Variants in FNDC9 observed in about 807,000 individuals in gnomAD.
The protein encoded by FNDC9 is fibronectin type III domain containing 9, also known as fibronectin type III domain-containing protein 9.
In FNDC9, 3 loss-of-function variants were observed where a neutral mutation model predicts 9.0. The observed-to-expected ratio is 0.33, with a 90% confidence interval of 0.15 to 0.86. The LOEUF is 0.86. Among genes scored for constraint, FNDC9 ranks in the 40% least tolerant of loss-of-function variants. The pLI is 0.53. For synonymous variants in FNDC9, 114 were observed against 115.6 expected, an observed-to-expected ratio of 0.99 and a Z score of 0.09; for missense variants, 279 against 287.2, an observed-to-expected ratio of 0.97 and a Z score of 0.21.
chr5:157,344,766 A>G (rs1461555310), intron 1 of FNDC9, among the ~76,000 whole-genome samples: 1 of 152,174 alleles, frequency 6.6e-6, no homozygotes, highest in Non-Finnish European at 1.5e-5. Context: ...TTGCAGTGAC[A>G]TAGTAAACAG....
At position 157,342,563 on chromosome 5, in the gene FNDC9, T is replaced by G; in HGVS notation, c.*299A>C. On this transcript the variant is annotated 3_prime_UTR_variant, in exon 2 of 2. Coordinates refer to ENST00000312349, the MANE Select transcript of FNDC9 (RefSeq NM_001001343.4). ...TTTATTTGTCATGCAAATTTTTGCT[T>G]TCTACTTTATAACATATCCATGTTT... 1.1e-5 allele frequency: 3 copies of G among 276,660 alleles called. No individual in the cohort carries two copies. Among genetic ancestry groups the G allele is most frequent in the East Asian group, 6.2e-5 (1 of 16,200 alleles). The allele number at this position is 276,660 out of a possible 1,614,324, so 17.1% of individuals were successfully genotyped here. A position where few individuals can be genotyped will look rare whatever the true frequency, so the allele number is the denominator to read the frequency against.
intron 1 of FNDC9, among the ~76,000 whole-genome samples, chr5:157,343,771 G>A (rs565921442): frequency 5.6e-4 from 86 of 152,224 alleles, no homozygotes; most frequent in African/African-American, 2.0e-3. Flanking sequence ...CCTAAGAACA[G>A]ATGCACCCAT....
chr5:157,344,223 A>G (rs1231634234), intron 1 of FNDC9, among the ~76,000 whole-genome samples: 1 of 152,114 alleles, frequency 6.6e-6, no homozygotes, highest in Admixed American at 6.5e-5. Context: ...CATAACTACC[A>G]CTATTTAATT....
In FNDC9 at chr5:157,342,553, A is replaced by C; in HGVS notation, c.*309T>G. 3.9e-6 allele frequency: 1 copy of C among 257,116 alleles called. No individual in the cohort carries two copies. Among genetic ancestry groups the C allele is most frequent in the Non-Finnish European group, 7.4e-6 (1 of 135,018 alleles). The allele number at this position is 257,116 out of a possible 1,614,324, so 15.9% of individuals were successfully genotyped here. ...AGTGCTGTGTTTTATTTGTCATGCA[A>C]ATTTTTGCTTTCTACTTTATAACAT... is the stretch of plus-strand genomic sequence containing the variant. On this transcript the variant is annotated 3_prime_UTR_variant, in exon 2 of 2. Transcript: ENST00000312349.
chr5:157,344,121 C>T (rs1762505809), intron 1 of FNDC9, among the ~76,000 whole-genome samples: 2 of 152,164 alleles, frequency 1.3e-5, no homozygotes. Flanking sequence ...CACCCCAAAG[C>T]TTCTGCTCTT....
At chr5:157,344,465 G>C (rs776476974) in intron 1 of FNDC9, among the ~76,000 whole-genome samples, 1 of 152,172 alleles carries the variant, frequency 6.6e-6, no homozygotes. Flanking sequence ...CAAGGCTGCC[G>C]GGTTTAGTTA....
chr5:157,343,255 G>A lies in FNDC9; in HGVS notation c.282C>T (p.Thr94=), dbSNP rs746993248. ...CAGGAGCCAGCGGACTCTTATCCAG[G>A]GTGTGGAACATGGTGCAGTAGTGCC... ...PYRHYCTMFH[T]LDKSPLAPGS... The change falls in exon 2 of 2, where the codon ACC becomes ACT. Residue 94 remains threonine, a synonymous_variant. Coordinates refer to ENST00000312349, the MANE Select transcript of FNDC9 (RefSeq NM_001001343.4). 20 of 1,614,086 alleles carry A rather than the reference G, an allele frequency of 1.2e-5. No homozygotes were observed. The highest frequency in any genetic ancestry group is 1.7e-5 in the Non-Finnish European group (20 of 1,180,032).
rs776472166 is a variant in FNDC9 at position 157,342,899 on chromosome 5, C to T, written c.638G>A (p.Gly213Asp). 3 of 1,613,884 alleles carry T rather than the reference C, an allele frequency of 1.9e-6. No homozygotes were observed. The highest frequency in any genetic ancestry group is 2.2e-5 in the South Asian group (2 of 91,034). The change falls in exon 2 of 2, where the codon GGT becomes GAT. Residue 213 changes from glycine to aspartate, a missense_variant. Transcript: ENST00000312349. ...ATGAGGCAGTATAGCGGGTGGGTCACCACCCCCCCTCTGTAAGGCACCCGC... is the reference window on the plus strand; with the variant it reads ...ATGAGGCAGTATAGCGGGTGGGTCATCACCCCCCCTCTGTAAGGCACCCGC... ...PDAGALQRGG[G>D]DPPAILPHCG...
At chr5:157,344,118 A>T (rs1231596824) in intron 1 of FNDC9, among the ~76,000 whole-genome samples, 1 of 151,976 alleles carries the variant, frequency 6.6e-6, no homozygotes, top group Non-Finnish European at 1.5e-5. Flanking sequence ...TCTCACCCCA[A>T]AGCTTCTGCT....
chr5:157,344,916 G>T (rs529960980), intron 1 of FNDC9, among the ~76,000 whole-genome samples: 2 of 152,334 alleles, frequency 1.3e-5, no homozygotes, highest in East Asian at 3.9e-4. Flanking sequence ...GCAGAAAGGT[G>T]CACAGCATTG....
At chr5:157,345,370 A>G (rs1762602158) in intron 1 of FNDC9, 171 bp downstream of exon 1, 1 of 152,642 alleles carries the variant, frequency 6.6e-6, no homozygotes, top group Non-Finnish European at 1.5e-5. Flanking sequence ...AGACGCAAAT[A>G]GCATCCTCAC....
Position 157,345,660 on chromosome 5 carries a change from CTG to C in FNDC9, c.-129_-128del, listed in dbSNP as rs1762628577. The C allele has an allele frequency of 6.5e-6, 1 of 152,696 alleles. No homozygotes were observed. Among genetic ancestry groups the C allele is most frequent in the Admixed American group, 6.5e-5 (1 of 15,280 alleles). 9.5% of individuals were successfully genotyped at this position (152,696 alleles called of 1,614,324 possible). A position where few individuals can be genotyped will look rare whatever the true frequency, so the allele number is the denominator to read the frequency against. ...GCTTTCCGTGTTGTTTCTCTCAACA[CTG>C]AGTAATCCCACTGCCGCCCCTAATG... On this transcript the variant is annotated 5_prime_UTR_variant, in exon 1 of 2. Transcript: ENST00000312349.
In FNDC9 at chr5:157,342,812, C is replaced by G. The variant is rs1181005981; in HGVS notation, c.*50G>C. Reference sequence around the variant, plus strand: ...TAGACACATTTGTACAAACGACCTACTGTGTGGAAAGCTTTAGGCTACATG... The same window carrying G: ...TAGACACATTTGTACAAACGACCTAGTGTGTGGAAAGCTTTAGGCTACATG... On this transcript the variant is annotated 3_prime_UTR_variant, in exon 2 of 2. Transcript: ENST00000312349. 2 of 1,531,240 alleles carry G rather than the reference C, an allele frequency of 1.3e-6. No homozygotes were observed. The highest frequency in any genetic ancestry group is 4.5e-5 in the East Asian group (2 of 44,086). The allele number at this position is 1,531,240 out of a possible 1,614,324, so 94.9% of individuals were successfully genotyped here.
chr5:157,343,564 A>T, intron 1 of FNDC9, 21 bp from the exon 2 acceptor site: 1 of 1,514,418 alleles, frequency 6.6e-7, no homozygotes. Flanking sequence ...AATCAAAGTG[A>T]AGAGTGACAT....
chr5:157,342,781 A>C lies in FNDC9; in HGVS notation c.*81T>G. The stretch of plus-strand genomic sequence containing the variant: ...GACGTTTGATGGGAGAGAAATGGGT[A>C]GTCTATAGACACATTTGTACAAACG... On this transcript the variant is annotated 3_prime_UTR_variant, in exon 2 of 2. Coordinates refer to ENST00000312349, the MANE Select transcript of FNDC9 (RefSeq NM_001001343.4). 1 of 1,313,204 alleles carries C rather than the reference A, an allele frequency of 7.6e-7. No individual in the cohort carries two copies. Among genetic ancestry groups the C allele is most frequent in the Non-Finnish European group, 1.0e-6 (1 of 966,688 alleles). The allele number at this position is 1,313,204 out of a possible 1,614,324, so 81.3% of individuals were successfully genotyped here. A position where few individuals can be genotyped will look rare whatever the true frequency, so the allele number is the denominator to read the frequency against.
chr5:157,343,459 G>C lies in FNDC9; in HGVS notation c.78C>G (p.Asp26Glu). Reference sequence around the variant, plus strand: ...TGGGCCTGTACATAATATGGTAATAGTCCTCCAGGCAGGGCTCCGAGGACG... The same window carrying C: ...TGGGCCTGTACATAATATGGTAATACTCCTCCAGGCAGGGCTCCGAGGACG... ...SWSSSEPCLE[D>E]YYHIMYRPNW... Residue 26 changes from aspartate to glutamate, a missense_variant, in exon 2 of 2, where the codon GAC becomes GAG. Coordinates refer to ENST00000312349, the MANE Select transcript of FNDC9 (RefSeq NM_001001343.4). 1 of 1,612,268 alleles carries C rather than the reference G, an allele frequency of 6.2e-7. No homozygotes were observed. The highest frequency in any genetic ancestry group is 8.5e-7 in the Non-Finnish European group (1 of 1,178,424).
chr5:157,343,600 A>G lies in FNDC9; in HGVS notation c.-7-57T>C, dbSNP rs561504523. ...CCCCTGATTTAAGTATGTATTTATC[A>G]TAATCATAGCCACCATTTATTGCAC... On this transcript the variant is annotated intron_variant, in intron 1 of 1. Transcript: ENST00000312349. 5 of 1,339,100 alleles carry G rather than the reference A, an allele frequency of 3.7e-6. No homozygotes were observed. The East Asian group carries it at 9.7e-5, about 26-fold the overall frequency. 83.0% of individuals were successfully genotyped at this position (1,339,100 alleles called of 1,614,324 possible).
chr5:157,344,245 A>G (rs968981101), intron 1 of FNDC9, among the ~76,000 whole-genome samples: 12 of 152,220 alleles, frequency 7.9e-5, no homozygotes, highest in East Asian at 3.8e-4. Flanking sequence ...TGCTGTTATT[A>G]TGAATGTTAA....
rs772875449 is a variant in FNDC9, at chr5:157,342,956, A to G, written c.581T>C (p.Leu194Pro). 9 of 1,614,230 alleles carry G rather than the reference A, an allele frequency of 5.6e-6. No homozygotes were observed. In the East Asian group the frequency reaches 2.0e-4, roughly 36 times the overall value. ...GGCATCCTGGTTGGCTTCGGGATCC[A>G]GTTCAGCTCCATCTCTGGAGTTCTT... ...PRKNSRDGAE[L>P]DPEANQDAPD... Residue 194 changes from leucine to proline, a missense_variant, in exon 2 of 2, where the codon CTG (leucine) becomes CCG (proline). By Grantham distance (98) the Leu-to-Pro change is moderately conservative (BLOSUM62 -3). Coordinates refer to ENST00000312349, the MANE Select transcript of FNDC9 (RefSeq NM_001001343.4).
Sources: allele counts gnomAD v4.1 joint callset (sites outside exome capture counted in the v4.1 genomes callset), GRCh38; gene constraint gnomAD v4.1.1; transcripts MANE v1.5; gene names NCBI Gene and HGNC (gene_info 2026-07-23, HGNC 2026-07-21).